Variants in DHRSX observed in about 807,000 individuals in gnomAD.
DHRSX encodes the protein dehydrogenase/reductase X-linked, also known as polyprenol dehydrogenase.
In DHRSX, 31 loss-of-function variants were observed where a neutral mutation model predicts 34.0. The ratio of observed to expected loss-of-function variants is 0.91; its 90% CI spans 0.69 to 1.23. The LOEUF is 1.23. DHRSX is among the 50% of genes most tolerant of loss of function. The pLI is 0.00. For synonymous variants in DHRSX, 201 were observed against 183.8 expected, an observed-to-expected ratio of 1.09 and a Z score of -0.76; for missense variants, 414 against 428.1, an observed-to-expected ratio of 0.97 and a Z score of 0.29.
chrX:2,466,142 A>G lies in DHRSX; in HGVS notation c.109+34675T>C, dbSNP rs765381187. The stretch of plus-strand genomic sequence containing the variant: ...CACTATGGAATACTATGGACCCATG[A>G]AAAAGAATGGGATTGGTTGGGCGTG... On this transcript the variant is annotated intron_variant, in intron 1 of 6. Transcript: ENST00000334651. Among the ~76,000 whole-genome samples, 30 of 152,322 alleles carry G rather than the reference A, an allele frequency of 2.0e-4. No individual in the cohort carries two copies. In the South Asian group the frequency reaches 6.2e-3, roughly 32 times the overall value.
At chrX:2,409,479 T>G (rs897924176) in intron 2 of DHRSX, among the ~76,000 whole-genome samples, 3 of 152,080 alleles carry the variant, frequency 2.0e-5, no homozygotes, top group Non-Finnish European at 4.4e-5. Flanking sequence ...CCTGTGTCCA[T>G]GCGTTCTCAT....
intron 1 of DHRSX, among the ~76,000 whole-genome samples, chrX:2,480,970 A>C (rs373097156): frequency 3.1e-4 from 47 of 152,308 alleles, no homozygotes; most frequent in African/African-American, 1.1e-3. Context: ...TCACCACAAA[A>C]AAAAGTAGGT....
chrX:2,467,610 T>C (rs1228478284), intron 1 of DHRSX, among the ~76,000 whole-genome samples: 2 of 141,182 alleles, frequency 1.4e-5, no homozygotes, highest in Non-Finnish European at 3.0e-5. Context: ...CCAGAGGACA[T>C]GGAAGGTGGA....
intron 3 of DHRSX, among the ~76,000 whole-genome samples, chrX:2,298,212 G>A (rs2083667482): frequency 6.6e-6 from 1 of 151,976 alleles, no homozygotes; most frequent in Non-Finnish European, 1.5e-5. Context: ...TCCTCCCCTA[G>A]AGCGTCTGGA....
chrX:2,437,688 AGAGAGAGAGAGTGTGTGTGTGTGTGT>A lies in DHRSX; in HGVS notation c.110-12410_110-12385del, dbSNP rs1431658578. ...AAGAGAGACAGAGAGAGAGAGAGAGAGAGAGAGAGAGTGTGTGTGTGTGTGTGTGTGTGTGTGTGTGTGTGTCACAG... is the reference window on the plus strand; with the variant it reads ...AAGAGAGACAGAGAGAGAGAGAGAGAGTGTGTGTGTGTGTGTGTGTCACAG... On this transcript the variant is annotated intron_variant, in intron 1 of 6. Coordinates refer to ENST00000334651, the MANE Select transcript of DHRSX (RefSeq NM_145177.3). Among the ~76,000 whole-genome samples the A allele has an allele frequency of 4.0e-4, 27 of 67,058 alleles. 1 individual carries two copies. The highest frequency in any genetic ancestry group is 1.7e-3 in the African/African-American group (23 of 13,552). 44.0% of individuals were successfully genotyped at this position (67,058 alleles called of 152,430 possible).
chrX:2,489,313 G>A, intron 1 of DHRSX: 2 of 1,613,952 alleles, frequency 1.2e-6, no homozygotes, highest in South Asian at 2.2e-5. Flanking sequence ...TGGCCACGTT[G>A]AGAAACATGT....
intron 5 of DHRSX, among the ~76,000 whole-genome samples, chrX:2,266,360 T>C (rs1406549142): frequency 1.2e-4 from 11 of 94,610 alleles, no homozygotes; most frequent in African/African-American, 2.5e-4. Context: ...GCACCAGTGC[T>C]CGGCAGATGC....
chrX:2,264,045 G>C (rs1167263098), intron 5 of DHRSX, among the ~76,000 whole-genome samples: 1 of 152,204 alleles, frequency 6.6e-6, no homozygotes, highest in East Asian at 1.9e-4. Context: ...CCTTTTCTAT[G>C]TCTCACCTCT....
At chrX:2,332,787 A>G (rs767437425) in intron 3 of DHRSX, among the ~76,000 whole-genome samples, 1 of 152,336 alleles carries the variant, frequency 6.6e-6, no homozygotes, top group East Asian at 1.9e-4. Flanking sequence ...CAAAGGGCAC[A>G]CTGAGGTCTT....
intron 1 of DHRSX, among the ~76,000 whole-genome samples, chrX:2,428,124 G>A (rs2043872217): frequency 6.6e-6 from 1 of 152,128 alleles, no homozygotes; most frequent in African/African-American, 2.4e-5. Context: ...GGTGGGATGG[G>A]ATGAGGGATG....
chrX:2,331,436 G>GTTTGT (rs2042471952), intron 3 of DHRSX, among the ~76,000 whole-genome samples: 6 of 94,658 alleles, frequency 6.3e-5, no homozygotes, highest in Non-Finnish European at 2.2e-5. Flanking sequence ...AGGTTTTTTG[G>GTTTGT]TTTTTTTTTT....
At chrX:2,454,765 T>C (rs1175563218) in intron 1 of DHRSX, among the ~76,000 whole-genome samples, 2 of 152,020 alleles carry the variant, frequency 1.3e-5, no homozygotes, top group South Asian at 2.1e-4. Flanking sequence ...TCATGTAGAC[T>C]GGATAAAGAA....
intron 6 of DHRSX, among the ~76,000 whole-genome samples, chrX:2,228,621 C>T: frequency 6.6e-6 from 1 of 151,680 alleles, no homozygotes; most frequent in Non-Finnish European, 1.5e-5. Context: ...TGGTTCTGCC[C>T]CTATTTGACC....
intron 1 of DHRSX, among the ~76,000 whole-genome samples, chrX:2,478,883 G>A (rs2044724138): frequency 6.6e-6 from 1 of 152,080 alleles, no homozygotes; most frequent in African/African-American, 2.4e-5. Context: ...ACACACTGAA[G>A]ACGTTCCCTA....
intron 1 of DHRSX, among the ~76,000 whole-genome samples, chrX:2,475,269 A>AC (rs35320759): frequency 0.19 from 26,410 of 140,714 alleles, 3,665 homozygotes; most frequent in African/African-American, 0.37. Flanking sequence ...CACTGTATAC[A>AC]ACTGAAGACG....
chrX:2,488,052 G>A (rs2044994093), intron 1 of DHRSX: 1 of 151,916 alleles, frequency 6.6e-6, no homozygotes. Flanking sequence ...ATCTGTGAAG[G>A]AAGGAACAGC....
chrX:2,422,706 G>A (rs1042901371), intron 2 of DHRSX, among the ~76,000 whole-genome samples: 32 of 152,136 alleles, frequency 2.1e-4, no homozygotes, highest in African/African-American at 7.7e-4. Flanking sequence ...CACTTTGGGA[G>A]GCCAAGGTGG....
At chrX:2,456,430 A>G (rs2044297818) in intron 1 of DHRSX, among the ~76,000 whole-genome samples, 1 of 151,930 alleles carries the variant, frequency 6.6e-6, no homozygotes, top group Non-Finnish European at 1.5e-5. Flanking sequence ...CCTGGCCAAC[A>G]TGATGAAACC....
Position 2,270,592 on chromosome X carries a change from G to A in DHRSX, c.389-3645C>T, listed in dbSNP as rs754788846. Among the ~76,000 whole-genome samples the A allele has an allele frequency of 2.0e-5, 3 of 152,270 alleles. No homozygotes were observed. In the East Asian group the frequency reaches 5.8e-4, roughly 29 times the overall value. ...GGCTCTACACGTCCCTGGCCCCAGT[G>A]GAGGCTTGACAATTGTGAGGTCCTT... On this transcript the variant is annotated intron_variant, in intron 4 of 6. Transcript: ENST00000334651.
Sources: gnomAD v4.1 joint callset for allele counts (sites outside exome capture counted in the v4.1 genomes callset) on GRCh38, gnomAD v4.1.1 for gene constraint, MANE v1.5 for transcripts, NCBI Gene and HGNC (gene_info 2026-07-23, HGNC 2026-07-21) for gene names.